The following SGCZ variants were observed in gnomAD, a reference collection of about 807,000 sequenced individuals.
SGCZ encodes sarcoglycan zeta, also known as zeta-sarcoglycan.
In SGCZ, 40 loss-of-function variants were observed where a neutral mutation model predicts 41.3. The observed-to-expected ratio is 0.97, with a 90% CI of 0.75 to 1.26. SGCZ has a LOEUF of 1.26. Among genes scored for constraint, SGCZ ranks in the 50% most tolerant of loss-of-function variants. The pLI is 0.00. For missense variants in SGCZ, 552 were observed against 369.8 expected (o/e 1.49, Z -4.04); for synonymous variants, 206 against 137.5 (o/e 1.50, Z -3.49).
chr8:14,855,251 T>G (rs1342162391), intron 1 of SGCZ, among the ~76,000 whole-genome samples: 1 of 151,984 alleles, frequency 6.6e-6, no homozygotes, highest in Non-Finnish European at 1.5e-5. Context: ...AATTTCACCA[T>G]GTTGGCCAGG....
At chr8:14,299,778 T>C (rs1049862681) in intron 3 of SGCZ, among the ~76,000 whole-genome samples, 3 of 151,950 alleles carry the variant, frequency 2.0e-5, no homozygotes, top group African/African-American at 4.8e-5. Context: ...ATGCCTACTC[T>C]ATGACCAAGA....
chr8:14,403,788 T>C (rs1799140480), intron 2 of SGCZ, among the ~76,000 whole-genome samples: 1 of 152,186 alleles, frequency 6.6e-6, no homozygotes, highest in Non-Finnish European at 1.5e-5. Flanking sequence ...ACATGCAATA[T>C]TTATATAAAA....
At chr8:14,934,953 A>G (rs1298199647) in intron 1 of SGCZ, among the ~76,000 whole-genome samples, 1 of 151,176 alleles carries the variant, frequency 6.6e-6, no homozygotes, top group Non-Finnish European at 1.5e-5. Flanking sequence ...AAAGCCCCTC[A>G]ACTTAGAGTT....
intron 1 of SGCZ, among the ~76,000 whole-genome samples, chr8:15,049,471 T>C (rs775339148): frequency 2.0e-5 from 3 of 152,120 alleles, no homozygotes; most frequent in Non-Finnish European, 4.4e-5. Flanking sequence ...AAATGGAAGC[T>C]ATAGGGGAGT....
At chr8:15,153,514 T>C (rs1799239279) in intron 1 of SGCZ, among the ~76,000 whole-genome samples, 1 of 152,120 alleles carries the variant, frequency 6.6e-6, no homozygotes, top group East Asian at 1.9e-4. Flanking sequence ...CATGTTGAAA[T>C]GTAACCCCCA....
At chr8:14,999,144 T>A (rs1802319553) in intron 1 of SGCZ, among the ~76,000 whole-genome samples, 1 of 152,212 alleles carries the variant, frequency 6.6e-6, no homozygotes, top group South Asian at 2.1e-4. Flanking sequence ...TGTGTGAATG[T>A]TTCCATGTAG....
intron 1 of SGCZ, among the ~76,000 whole-genome samples, chr8:14,862,579 TATAC>T (rs1203706610): frequency 7.3e-5 from 7 of 96,056 alleles, no homozygotes; most frequent in African/African-American, 2.2e-4. Context: ...TATATATATA[TATAC>T]ACACACAATT....
At chr8:14,510,625 G>A (rs1032184775) in intron 2 of SGCZ, among the ~76,000 whole-genome samples, 1 of 152,064 alleles carries the variant, frequency 6.6e-6, no homozygotes. Flanking sequence ...AAAATACATT[G>A]GTAGAACATC....
intron 2 of SGCZ, among the ~76,000 whole-genome samples, chr8:14,342,924 G>T (rs147161085): frequency 0.011 from 1,633 of 152,222 alleles, 18 homozygotes; most frequent in Non-Finnish European, 0.018. Context: ...GTGGTTTTGT[G>T]GGCTGGGCCC....
chr8:14,270,922 T>C (rs1285730849), intron 3 of SGCZ, among the ~76,000 whole-genome samples: 1 of 152,068 alleles, frequency 6.6e-6, no homozygotes, highest in African/African-American at 2.4e-5. Context: ...CTGGAAACCA[T>C]CATTCTCTGC....
intron 5 of SGCZ, among the ~76,000 whole-genome samples, chr8:14,124,542 T>C (rs926430229): frequency 2.6e-5 from 4 of 152,204 alleles, no homozygotes; most frequent in African/African-American, 4.8e-5. Context: ...CATTTAAAAT[T>C]GCAGATGAAG....
In SGCZ at chr8:15,156,086, A is replaced by T. The variant is rs555600323; in HGVS notation, c.39+81499T>A. 4.0e-5 allele frequency among the ~76,000 whole-genome samples: 6 copies of T among 150,922 alleles called. No individual in the cohort carries two copies. In the East Asian group the frequency reaches 1.2e-3, roughly 29 times the overall value. ...AAAAAAAAAAAAAAATAGAAGAGTG[A>T]AGTGAAGGTCAATGCTGAAATATTT... On this transcript the variant is annotated intron_variant, in intron 1 of 7. Coordinates refer to ENST00000382080, the MANE Select transcript of SGCZ (RefSeq NM_139167.4).
intron 1 of SGCZ, among the ~76,000 whole-genome samples, chr8:15,020,037 C>T (rs993360396): frequency 2.6e-5 from 4 of 151,642 alleles, no homozygotes; most frequent in Non-Finnish European, 4.4e-5. Context: ...GAGCATTTAG[C>T]GCACGAACCA....
At chr8:14,800,431 T>C (rs1343991701) in intron 1 of SGCZ, among the ~76,000 whole-genome samples, 1 of 152,162 alleles carries the variant, frequency 6.6e-6, no homozygotes, top group Non-Finnish European at 1.5e-5. Flanking sequence ...ATATTTTTTA[T>C]TTTGCATCTC....
At chr8:14,557,756 C>T (rs941301339) in intron 1 of SGCZ, among the ~76,000 whole-genome samples, 1 of 151,730 alleles carries the variant, frequency 6.6e-6, no homozygotes, top group African/African-American at 2.4e-5. Flanking sequence ...CCTCAAGGAA[C>T]TAGAGAAACA....
intron 3 of SGCZ, among the ~76,000 whole-genome samples, chr8:14,274,216 C>G (rs17229260): frequency 3.3e-5 from 5 of 151,882 alleles, no homozygotes; most frequent in Non-Finnish European, 5.9e-5. Flanking sequence ...TTGCAAATAT[C>G]TGACAGAAGA....
Position 14,674,928 on chromosome 8 carries a change from G to GCTTTTTTTTTTTTTTTTTT in SGCZ, c.40-120003_40-120002insAAAAAAAAAAAAAAAAAAG, listed in dbSNP as rs1554478141. 5.4e-3 allele frequency among the ~76,000 whole-genome samples: 384 copies of GCTTTTTTTTTTTTTTTTTT among 71,006 alleles called. 115 individuals carry two copies. The highest frequency in any genetic ancestry group is 0.016 in the African/African-American group (308 of 19,690). 46.6% of individuals were successfully genotyped at this position (71,006 alleles called of 152,430 possible). On this transcript the variant is annotated intron_variant, in intron 1 of 7. Coordinates refer to ENST00000382080, the MANE Select transcript of SGCZ (RefSeq NM_139167.4). ...GCCAATTTAACCTCTTTTCTTTTCT[G>GCTTTTTTTTTTTTTTTTTT]TTTTTTTTTTTTTTTTTTTTTTTTT...
chr8:14,568,178 A>C (rs114159126), intron 1 of SGCZ, among the ~76,000 whole-genome samples: 4,487 of 152,168 alleles, frequency 0.029, 133 homozygotes, highest in African/African-American at 0.08. Context: ...AGTGGGATTC[A>C]ACAATGAAAG....
At chr8:14,600,673 A>T (rs1805562068) in intron 1 of SGCZ, among the ~76,000 whole-genome samples, 1 of 152,126 alleles carries the variant, frequency 6.6e-6, no homozygotes, top group Admixed American at 6.6e-5. Flanking sequence ...CACATACCGC[A>T]CTCTGATTCA....
Sources: allele counts gnomAD v4.1 joint callset (sites outside exome capture counted in the v4.1 genomes callset), GRCh38; gene constraint gnomAD v4.1.1; transcripts MANE v1.5; gene names NCBI Gene and HGNC (gene_info 2026-07-23, HGNC 2026-07-21).